Variants in LRP1B observed in about 807,000 individuals in gnomAD.
The protein encoded by LRP1B is low-density lipoprotein receptor-related protein 1B.
LRP1B carries 217 observed loss-of-function variants against 556.6 expected under a neutral mutation model. The observed-to-expected ratio is 0.39, with a 90% confidence interval of 0.35 to 0.44. The LOEUF is 0.44. Ranked by LOEUF, LRP1B falls within the 20% of genes least tolerant of loss-of-function variation. The pLI is 1.00. For missense variants in LRP1B, 5,053 were observed against 5,620.8 expected, an observed-to-expected ratio of 0.90 and a Z score of 3.23; for synonymous variants, 2,047 against 1,865.8, an observed-to-expected ratio of 1.10 and a Z score of -2.50.
intron 3 of LRP1B, among the ~76,000 whole-genome samples, chr2:141,411,438 A>G (rs12691603): frequency 0.65 from 98,898 of 151,912 alleles, 33,434 homozygotes; most frequent in Non-Finnish European, 0.75. Context: ...CTTAAGAGAA[A>G]CTTAAAATAA....
At chr2:141,090,201 T>C (rs1700142140) in intron 7 of LRP1B, among the ~76,000 whole-genome samples, 1 of 152,204 alleles carries the variant, frequency 6.6e-6, no homozygotes, top group Non-Finnish European at 1.5e-5. Context: ...TAAATTCATA[T>C]GTGGTTAGTT....
chr2:140,297,436 A>G (rs1683654488), intron 84 of LRP1B, among the ~76,000 whole-genome samples: 1 of 152,104 alleles, frequency 6.6e-6, no homozygotes, highest in Non-Finnish European at 1.5e-5. Flanking sequence ...GCCAGCCAAT[A>G]TAATTATGAG....
At chr2:141,995,121 C>T (rs1702452009) in intron 1 of LRP1B, among the ~76,000 whole-genome samples, 1 of 151,956 alleles carries the variant, frequency 6.6e-6, no homozygotes, top group South Asian at 2.1e-4. Context: ...TTTTCTATTG[C>T]TGCTATTTAA....
intron 2 of LRP1B, among the ~76,000 whole-genome samples, chr2:141,804,253 A>G (rs897921424): frequency 6.6e-6 from 1 of 152,132 alleles, no homozygotes; most frequent in Non-Finnish European, 1.5e-5. Context: ...TGCTTTCCCT[A>G]ACAAGAGCTA....
At chr2:140,538,716 T>C (rs1040896646) in intron 45 of LRP1B, among the ~76,000 whole-genome samples, 1 of 152,152 alleles carries the variant, frequency 6.6e-6, no homozygotes, top group Non-Finnish European at 1.5e-5. Context: ...TGCAATCATC[T>C]TAGCATAGAA....
At chr2:141,618,297 A>T (rs1019396243) in intron 2 of LRP1B, among the ~76,000 whole-genome samples, 2 of 152,136 alleles carry the variant, frequency 1.3e-5, no homozygotes, top group African/African-American at 4.8e-5. Flanking sequence ...ATTCCTATAG[A>T]AGTTGGATAT....
At chr2:142,101,911 GC>G (rs1227319559) in intron 1 of LRP1B, among the ~76,000 whole-genome samples, 3 of 152,064 alleles carry the variant, frequency 2.0e-5, no homozygotes, top group East Asian at 1.9e-4. Context: ...ACTTGAACAA[GC>G]TTTTAGCCTC....
intron 1 of LRP1B, among the ~76,000 whole-genome samples, chr2:141,977,326 C>A (rs1558998839): frequency 6.6e-6 from 1 of 152,146 alleles, no homozygotes; most frequent in African/African-American, 2.4e-5. Context: ...AATCCCAGCA[C>A]TTTGGGAGGC....
intron 3 of LRP1B, among the ~76,000 whole-genome samples, chr2:141,283,081 A>T (rs1685568348): frequency 6.6e-6 from 1 of 152,186 alleles, no homozygotes; most frequent in African/African-American, 2.4e-5. Context: ...CTGTTCAATT[A>T]TTCAAGTTTA....
chr2:140,978,057 A>G (rs1696658043), intron 18 of LRP1B, among the ~76,000 whole-genome samples: 1 of 152,174 alleles, frequency 6.6e-6, no homozygotes, highest in Non-Finnish European at 1.5e-5. Flanking sequence ...ACCAATTTAC[A>G]AATTCTTCTT....
intron 49 of LRP1B, 149 bp from the exon 50 acceptor site, chr2:140,517,160 A>G (rs1689941856): frequency 1.3e-5 from 8 of 627,396 alleles, no homozygotes; most frequent in Non-Finnish European, 2.2e-5. Flanking sequence ...TGTCAAGGTT[A>G]TGAAAATAAA....
intron 3 of LRP1B, among the ~76,000 whole-genome samples, chr2:141,353,632 T>C (rs1688522343): frequency 6.6e-6 from 1 of 151,990 alleles, no homozygotes; most frequent in Non-Finnish European, 1.5e-5. Context: ...GATGAGAAGT[T>C]CATGTCTAAG....
chr2:141,312,682 A>T (rs1238547831), intron 3 of LRP1B, among the ~76,000 whole-genome samples: 1 of 149,446 alleles, frequency 6.7e-6, no homozygotes, highest in Non-Finnish European at 1.5e-5. Flanking sequence ...AATTTTGAAG[A>T]TTATTGATAA....
chr2:141,771,198 G>A (rs145620907), intron 2 of LRP1B, among the ~76,000 whole-genome samples: 214 of 152,224 alleles, frequency 1.4e-3, no homozygotes, highest in African/African-American at 4.9e-3. Context: ...CAAATAAGAA[G>A]TAACTCTCAA....
chr2:141,755,296 A>G (rs985712980), intron 2 of LRP1B, among the ~76,000 whole-genome samples: 1 of 152,120 alleles, frequency 6.6e-6, no homozygotes, highest in Non-Finnish European at 1.5e-5. Flanking sequence ...CTAATGTACA[A>G]TAGGTTCTTA....
intron 52 of LRP1B, among the ~76,000 whole-genome samples, chr2:140,508,776 T>C (rs1183192382): frequency 6.6e-6 from 1 of 152,194 alleles, no homozygotes; most frequent in South Asian, 2.1e-4. Flanking sequence ...TTTAACGGAA[T>C]GTACTTAATA....
chr2:140,390,247 T>A (rs1338229683), intron 66 of LRP1B, among the ~76,000 whole-genome samples: 2 of 152,166 alleles, frequency 1.3e-5, no homozygotes, highest in South Asian at 4.1e-4. Context: ...AGACTTACTG[T>A]AAAGCTACAG....
At chr2:140,514,615 C>T (rs1689807513) in intron 51 of LRP1B, 38 bp downstream of exon 51, 2 of 1,580,936 alleles carry the variant, frequency 1.3e-6, no homozygotes, top group Admixed American at 1.8e-5. Flanking sequence ...ATATATAATG[C>T]TTAAAAACTG....
intron 3 of LRP1B, among the ~76,000 whole-genome samples, chr2:141,471,557 G>A (rs957605299): frequency 2.6e-5 from 4 of 152,140 alleles, no homozygotes; most frequent in East Asian, 1.9e-4. Context: ...CCTACCCAAT[G>A]CTTAGAGTGA....
Sources: allele counts gnomAD v4.1 joint callset (sites outside exome capture counted in the v4.1 genomes callset), GRCh38; gene constraint gnomAD v4.1.1; transcripts MANE v1.5; gene names NCBI Gene and HGNC (gene_info 2026-07-23, HGNC 2026-07-21).